The following RCL1 variants were observed in gnomAD, a reference collection of about 807,000 sequenced individuals.
RCL1 encodes RNA terminal phosphate cyclase like 1.
A neutral mutation model predicts 42.4 loss-of-function variants in RCL1; 24 were observed. The ratio of observed to expected loss-of-function variants is 0.57; its 90% CI spans 0.41 to 0.80. The LOEUF is 0.80. Among genes scored for constraint, RCL1 ranks in the 30% least tolerant of loss-of-function variants. RCL1 has a pLI of 0.00. For synonymous variants in RCL1, 228 were observed against 177.3 expected (o/e 1.29, Z -2.27); for missense variants, 578 against 467.9 (o/e 1.24, Z -2.17).
chr9:4,859,864 T>C (rs1023499426), intron 8 of RCL1, among the ~76,000 whole-genome samples: 1 of 152,220 alleles, frequency 6.6e-6, no homozygotes. Context: ...AAATAACTTA[T>C]GTGTCACGTA....
intron 1 of RCL1, among the ~76,000 whole-genome samples, chr9:4,801,856 G>T (rs930997363): frequency 6.0e-5 from 9 of 150,972 alleles, no homozygotes; most frequent in African/African-American, 2.2e-4. Flanking sequence ...CTCTTTCTGG[G>T]TTCTCCATTC....
chr9:4,826,760 C>T (rs1270763658), intron 2 of RCL1, 98 bp from the exon 3 acceptor site: 1 of 1,091,564 alleles, frequency 9.2e-7, no homozygotes, highest in Non-Finnish European at 1.3e-6. Context: ...CTTGGATGCC[C>T]TTGTCAGGCT....
At chr9:4,821,732 A>C (rs1411326472) in intron 1 of RCL1, among the ~76,000 whole-genome samples, 1 of 152,090 alleles carries the variant, frequency 6.6e-6, no homozygotes, top group Non-Finnish European at 1.5e-5. Context: ...CTCCCACCTC[A>C]GCCTCCTGAG....
chr9:4,798,045 A>G (rs887994643), intron 1 of RCL1, among the ~76,000 whole-genome samples: 1 of 152,238 alleles, frequency 6.6e-6, no homozygotes, highest in African/African-American at 2.4e-5. Flanking sequence ...TCAAGGTAAA[A>G]AAGCCAACCC....
At chr9:4,849,705 G>A (rs1817657078) in intron 8 of RCL1, among the ~76,000 whole-genome samples, 155 bp downstream of exon 8, 1 of 152,156 alleles carries the variant, frequency 6.6e-6, no homozygotes, top group African/African-American at 2.4e-5. Context: ...TTAACCTGGT[G>A]TTTATTTTTA....
chr9:4,838,219 G>A (rs1336940315), intron 5 of RCL1, among the ~76,000 whole-genome samples: 1 of 152,170 alleles, frequency 6.6e-6, no homozygotes, highest in Non-Finnish European at 1.5e-5. Context: ...TGCATTTGTG[G>A]TTTTAACTGA....
intron 1 of RCL1, among the ~76,000 whole-genome samples, chr9:4,802,539 G>A (rs748304900): frequency 1.7e-4 from 26 of 151,992 alleles, no homozygotes; most frequent in African/African-American, 5.6e-4. Context: ...AATATTATAG[G>A]TTTATTTAAA....
intron 8 of RCL1, among the ~76,000 whole-genome samples, chr9:4,853,141 A>T (rs1356000518): frequency 1.3e-5 from 2 of 152,058 alleles, no homozygotes; most frequent in Non-Finnish European, 2.9e-5. Context: ...ATAATAACTT[A>T]TCTGGTTTTC....
At chr9:4,823,185 C>G (rs931737755) in intron 1 of RCL1, among the ~76,000 whole-genome samples, 1 of 151,824 alleles carries the variant, frequency 6.6e-6, no homozygotes, top group African/African-American at 2.4e-5. Flanking sequence ...TCTACTGTTT[C>G]TCCGTTATTT....
At chr9:4,839,630 G>C in intron 5 of RCL1, 1 of 982,664 alleles carries the variant, frequency 1.0e-6, no homozygotes, top group East Asian at 1.1e-4. Context: ...GGACTGAAGA[G>C]ATGGTGATGT....
At chr9:4,853,887 G>T (rs80277240) in intron 8 of RCL1, among the ~76,000 whole-genome samples, 8,429 of 152,036 alleles carry the variant, frequency 0.055, 497 homozygotes, top group African/African-American at 0.15. Flanking sequence ...CACCAACTGA[G>T]TGGGGCTTCC....
intron 5 of RCL1, chr9:4,840,009 G>C (rs986893766): frequency 1.7e-6 from 1 of 574,682 alleles, no homozygotes; most frequent in African/African-American, 2.0e-5. Flanking sequence ...GTGCAGAGCT[G>C]AAGATGGACA....
chr9:4,812,687 T>C (rs1816220698), intron 1 of RCL1, among the ~76,000 whole-genome samples: 1 of 152,092 alleles, frequency 6.6e-6, no homozygotes, highest in African/African-American at 2.4e-5. Context: ...ATCTCATTGG[T>C]ATTTTGATAG....
intron 8 of RCL1, among the ~76,000 whole-genome samples, chr9:4,853,444 C>T (rs1817825761): frequency 6.6e-6 from 1 of 152,048 alleles, no homozygotes; most frequent in Non-Finnish European, 1.5e-5. Context: ...GCCTCAGCCT[C>T]CTGAGTAGCT....
chr9:4,854,389 A>G (rs1259774507), intron 8 of RCL1, among the ~76,000 whole-genome samples: 1 of 152,194 alleles, frequency 6.6e-6, no homozygotes, highest in African/African-American at 2.4e-5. Flanking sequence ...CATTGAGCAG[A>G]TCCTTTTCTT....
chr9:4,852,922 C>A (rs1242282173), intron 8 of RCL1, among the ~76,000 whole-genome samples: 3 of 152,136 alleles, frequency 2.0e-5, no homozygotes, highest in Admixed American at 6.5e-5. Context: ...GTGGTCTGCC[C>A]AGCTACCTAT....
At chr9:4,814,911 C>G (rs1358324557) in intron 1 of RCL1, among the ~76,000 whole-genome samples, 1 of 150,068 alleles carries the variant, frequency 6.7e-6, no homozygotes, top group Non-Finnish European at 1.5e-5. Context: ...TTTTTTTTTT[C>G]TTTCAGCATT....
chr9:4,829,287 G>A (rs995797757), intron 3 of RCL1, among the ~76,000 whole-genome samples: 2 of 152,200 alleles, frequency 1.3e-5, no homozygotes, highest in African/African-American at 2.4e-5. Flanking sequence ...ACTAGCTTGG[G>A]CATTATGGAG....
chr9:4,833,261 C>A (rs1236945466), intron 4 of RCL1, 33 bp downstream of exon 4: 1 of 1,508,578 alleles, frequency 6.6e-7, no homozygotes, highest in Non-Finnish European at 9.2e-7. Context: ...CCATATGTTC[C>A]TGTGGAAAAC....
Sources: allele counts gnomAD v4.1 joint callset (sites outside exome capture counted in the v4.1 genomes callset), GRCh38; gene constraint gnomAD v4.1.1; transcripts MANE v1.5; gene names NCBI Gene and HGNC (gene_info 2026-07-23, HGNC 2026-07-21).